FIP1L1: variants seen among roughly 807,000 people sequenced by gnomAD.
FIP1L1 encodes the protein factor interacting with PAPOLA and CPSF1.
In FIP1L1, 21 loss-of-function variants were observed where a neutral mutation model predicts 84.6. That is an observed-to-expected ratio of 0.25 (90% CI 0.18 to 0.36). FIP1L1 has a LOEUF of 0.36. FIP1L1 is among the 10% of genes least tolerant of loss of function. The pLI is 1.00. For missense variants in FIP1L1, 526 were observed against 751.1 expected (o/e 0.70, Z 3.50); for synonymous variants, 263 against 242.3 (o/e 1.09, Z -0.80).
intron 9 of FIP1L1, among the ~76,000 whole-genome samples, chr4:53,394,290 T>G (rs1271055590): frequency 6.6e-6 from 1 of 152,224 alleles, no homozygotes; most frequent in Non-Finnish European, 1.5e-5. Context: ...TAGACTTTTC[T>G]GAAATGTTTG....
At chr4:53,409,842 A>C (rs1467815029) in intron 10 of FIP1L1, among the ~76,000 whole-genome samples, 2 of 152,198 alleles carry the variant, frequency 1.3e-5, no homozygotes, top group African/African-American at 4.8e-5. Flanking sequence ...AGCCCATTGG[A>C]AAAGCGCAGT....
At chr4:53,395,517 T>C (rs1308824233) in intron 9 of FIP1L1, among the ~76,000 whole-genome samples, 1 of 152,212 alleles carries the variant, frequency 6.6e-6, no homozygotes, top group African/African-American at 2.4e-5. Flanking sequence ...ATGGAGCCTA[T>C]AGTCTAGGCA....
intron 15 of FIP1L1, among the ~76,000 whole-genome samples, chr4:53,450,541 T>C (rs1441755545): frequency 6.6e-6 from 1 of 152,164 alleles, no homozygotes; most frequent in East Asian, 1.9e-4. Flanking sequence ...CAAGTCTTTA[T>C]TTGCATGGTG....
chr4:53,392,807 T>G (rs1744968523), intron 9 of FIP1L1, among the ~76,000 whole-genome samples: 1 of 152,206 alleles, frequency 6.6e-6, no homozygotes, highest in Non-Finnish European at 1.5e-5. Flanking sequence ...CTGAAAAATT[T>G]ATTTTGAAGT....
intron 13 of FIP1L1, among the ~76,000 whole-genome samples, chr4:53,432,419 AAAAAAG>A (rs1767151885): frequency 6.7e-6 from 1 of 150,128 alleles, no homozygotes; most frequent in African/African-American, 2.5e-5. Context: ...AAAAAAAAAA[AAAAAAG>A]AAAGAAAACA....
intron 5 of FIP1L1, among the ~76,000 whole-genome samples, chr4:53,385,419 A>G (rs1740418605): frequency 6.6e-6 from 1 of 152,102 alleles, no homozygotes; most frequent in South Asian, 2.1e-4. Flanking sequence ...TTTCAGTTTT[A>G]TGCATTGTAA....
intron 10 of FIP1L1, among the ~76,000 whole-genome samples, chr4:53,407,709 T>A (rs1202578742): frequency 6.6e-6 from 1 of 152,220 alleles, no homozygotes; most frequent in Non-Finnish European, 1.5e-5. Flanking sequence ...TTAGGATAGT[T>A]AGCTCTTCTT....
At chr4:53,440,455 CTT>C (rs1037435214) in intron 13 of FIP1L1, 1 of 584,150 alleles carries the variant, frequency 1.7e-6, no homozygotes, top group Non-Finnish European at 3.1e-6. Flanking sequence ...GAATGGTTCT[CTT>C]GAGTGAATAA....
intron 10 of FIP1L1, among the ~76,000 whole-genome samples, chr4:53,412,814 C>G (rs1315498755): frequency 1.3e-5 from 2 of 152,012 alleles, no homozygotes; most frequent in African/African-American, 4.8e-5. Context: ...TGTTCCTCTT[C>G]AAACTTTTTA....
At chr4:53,441,332 CAG>C (rs999295153) in intron 13 of FIP1L1, among the ~76,000 whole-genome samples, 2 of 151,766 alleles carry the variant, frequency 1.3e-5, no homozygotes, top group Admixed American at 1.3e-4. Context: ...CTTCAATAAA[CAG>C]AAAGAGTGAA....
In FIP1L1 at chr4:53,452,940, G is replaced by A; in HGVS notation, c.1306G>A (p.Gly436Ser). 1 of 1,612,630 alleles carries A rather than the reference G, an allele frequency of 6.2e-7. No homozygotes were observed. Among genetic ancestry groups the A allele is most frequent in the Non-Finnish European group, 8.5e-7 (1 of 1,179,920 alleles). The change falls in exon 16 of 18, where the codon GGT becomes AGT. Residue 436 changes from glycine to serine, a missense_variant. Gly to Ser is a moderately conservative substitution (Grantham distance 56). This residue lies in a region of FIP1L1 where 83 missense variants were observed against 93.8 expected (regional missense o/e 0.88). Coordinates refer to ENST00000337488, the MANE Select transcript of FIP1L1 (RefSeq NM_030917.4). Reference sequence around the variant, plus strand: ...TTTAGTTGCCTTTCCCCATCTTCCTGGTTCTGCTCCTTCGTGGCCTAGTCT... The same window carrying A: ...TTTAGTTGCCTTTCCCCATCTTCCTAGTTCTGCTCCTTCGTGGCCTAGTCT... ...YGNVAFPHLP[G>S]SAPSWPSLVD...
At chr4:53,456,887 A>G (rs1342354149) in intron 16 of FIP1L1, among the ~76,000 whole-genome samples, 2 of 152,116 alleles carry the variant, frequency 1.3e-5, no homozygotes, top group African/African-American at 2.4e-5. Context: ...TTAGGGTAAG[A>G]GGAAAAAGAG....
intron 15 of FIP1L1, among the ~76,000 whole-genome samples, chr4:53,448,639 G>A (rs1169214045): frequency 2.0e-5 from 3 of 152,104 alleles, no homozygotes; most frequent in Non-Finnish European, 4.4e-5. Context: ...CACAGTAAGT[G>A]GCAGAGTCAG....
At chr4:53,393,673 A>G (rs948905038) in intron 9 of FIP1L1, among the ~76,000 whole-genome samples, 15 of 152,000 alleles carry the variant, frequency 9.9e-5, no homozygotes, top group African/African-American at 3.6e-4. Context: ...GTGGGAATAG[A>G]TAACATGTAT....
chr4:53,422,567 C>T (rs1762806616), intron 11 of FIP1L1, among the ~76,000 whole-genome samples: 1 of 151,920 alleles, frequency 6.6e-6, no homozygotes. Context: ...AGTAGGTGCT[C>T]CATAAATACT....
chr4:53,383,208 A>G (rs1238943656), intron 4 of FIP1L1, among the ~76,000 whole-genome samples: 1 of 152,154 alleles, frequency 6.6e-6, no homozygotes, highest in Non-Finnish European at 1.5e-5. Flanking sequence ...TGATAGTTAA[A>G]AAAAAAATGA....
intron 8 of FIP1L1, 75 bp downstream of exon 8, chr4:53,391,214 C>T (rs1249646745): frequency 1.3e-6 from 2 of 1,482,860 alleles, no homozygotes; most frequent in Non-Finnish European, 1.8e-6. Flanking sequence ...AATCGCTTCC[C>T]TATAAAAGTG....
intron 11 of FIP1L1, 116 bp from the exon 12 acceptor site, chr4:53,425,756 C>T (rs1578773820): frequency 2.9e-6 from 2 of 696,926 alleles, no homozygotes; most frequent in East Asian, 2.9e-5. Context: ...GTATTGTGAT[C>T]TGGTTTTATT....
intron 7 of FIP1L1, 74 bp downstream of exon 7, chr4:53,390,702 A>G (rs1458486286): frequency 1.5e-5 from 13 of 876,734 alleles, no homozygotes; most frequent in Non-Finnish European, 2.1e-5. Context: ...TTGAACATCA[A>G]TTTAGAATTT....
Sources: gnomAD v4.1 joint callset for allele counts (sites outside exome capture counted in the v4.1 genomes callset) on GRCh38, gnomAD v4.1.1 for gene constraint, gnomAD v4.1.1 regional missense constraint, MANE v1.5 for transcripts, NCBI Gene and HGNC (gene_info 2026-07-23, HGNC 2026-07-21) for gene names.